The following SLC44A5 variants were observed in gnomAD, a reference collection of about 807,000 sequenced individuals.
The protein encoded by SLC44A5 is solute carrier family 44 member 5, also known as choline transporter-like protein 5.
Under a neutral mutation model 101.8 loss-of-function variants are expected in SLC44A5, and 57 were observed. The ratio of observed to expected loss-of-function variants is 0.56; its 90% CI spans 0.45 to 0.70. The LOEUF (loss-of-function observed/expected upper bound fraction) is 0.70, where lower values mean the gene tolerates loss of function less well. SLC44A5 is among the 30% of genes least tolerant of loss of function. The probability of loss-of-function intolerance (pLI) is 0.00; values close to 1 mark genes in which losing one functional copy is unlikely to be tolerated. For missense variants in SLC44A5, 737 were observed against 853.1 expected (o/e 0.86, Z 1.70); for synonymous variants, 281 against 290.9 (o/e 0.97, Z 0.35).
chr1:75,672,152 C>T, the SLC44A5 span, among the ~76,000 whole-genome samples: 1 of 152,122 alleles, frequency 6.6e-6, no homozygotes, highest in Admixed American at 6.5e-5. Context: ...CAACTTGCAA[C>T]AGTATCTGCT....
the SLC44A5 span, among the ~76,000 whole-genome samples, chr1:75,654,100 T>C: frequency 6.6e-6 from 1 of 152,226 alleles, no homozygotes. Flanking sequence ...GGTTAAATTA[T>C]ATTTTCTTTT....
chr1:75,639,025 G>C, the SLC44A5 span, among the ~76,000 whole-genome samples: 1 of 152,056 alleles, frequency 6.6e-6, no homozygotes, highest in Non-Finnish European at 1.5e-5. Context: ...GAGAGTAGAT[G>C]AGTGATTTCC....
the SLC44A5 span, among the ~76,000 whole-genome samples, chr1:75,656,742 CA>C: frequency 1.3e-5 from 2 of 151,814 alleles, no homozygotes; most frequent in African/African-American, 4.8e-5. Flanking sequence ...CTAAGGAATA[CA>C]GTAAGAAAAA....
intron 3 of SLC44A5, among the ~76,000 whole-genome samples, chr1:75,342,457 G>A (rs145008181): frequency 1.2e-4 from 18 of 152,270 alleles, no homozygotes; most frequent in African/African-American, 4.3e-4. Context: ...AAATGAGGAA[G>A]TTGGGGTACA....
At chr1:75,363,237 A>AT (rs1659622893) in intron 3 of SLC44A5, among the ~76,000 whole-genome samples, 2 of 151,816 alleles carry the variant, frequency 1.3e-5, no homozygotes, top group Non-Finnish European at 2.9e-5. Context: ...GTTGGGTCTT[A>AT]TTTTTTTAAC....
At chr1:75,527,958 T>C (rs886080001) in intron 2 of SLC44A5, among the ~76,000 whole-genome samples, 1 of 152,254 alleles carries the variant, frequency 6.6e-6, no homozygotes, top group African/African-American at 2.4e-5. Flanking sequence ...GCTTCTCTTT[T>C]AAACTTGACA....
chr1:75,307,359 T>C (rs1401987311), intron 4 of SLC44A5, among the ~76,000 whole-genome samples: 4 of 152,196 alleles, frequency 2.6e-5, no homozygotes, highest in Non-Finnish European at 4.4e-5. Context: ...CATCTGTTAC[T>C]GCTCTGATTC....
chr1:75,336,690 T>G (rs999959962), intron 4 of SLC44A5, among the ~76,000 whole-genome samples: 5 of 152,170 alleles, frequency 3.3e-5, no homozygotes, highest in African/African-American at 1.2e-4. Flanking sequence ...TTTAATGACT[T>G]TGACCTAATA....
At chr1:75,459,439 C>T (rs1449381690) in intron 2 of SLC44A5, among the ~76,000 whole-genome samples, 1 of 152,092 alleles carries the variant, frequency 6.6e-6, no homozygotes, top group Non-Finnish European at 1.5e-5. Flanking sequence ...CACTTTCATC[C>T]TCCAAAACTT....
At chr1:75,657,768 A>G in the SLC44A5 span, among the ~76,000 whole-genome samples, 8 of 152,250 alleles carry the variant, frequency 5.3e-5, no homozygotes, top group South Asian at 1.7e-3. Context: ...GCACTGAAAC[A>G]AATAAAGTAA....
At chr1:75,474,947 C>T (rs1252551199) in intron 2 of SLC44A5, among the ~76,000 whole-genome samples, 1 of 152,156 alleles carries the variant, frequency 6.6e-6, no homozygotes, top group East Asian at 1.9e-4. Flanking sequence ...CTACTAAGAC[C>T]TCTGGTAAGA....
At chr1:75,618,230 A>G in the SLC44A5 span, among the ~76,000 whole-genome samples, 1 of 152,226 alleles carries the variant, frequency 6.6e-6, no homozygotes, top group African/African-American at 2.4e-5. Context: ...TGGTACATGG[A>G]TGTGATTAAT....
chr1:75,244,461 A>G (rs1467591597), intron 7 of SLC44A5, among the ~76,000 whole-genome samples: 4 of 152,090 alleles, frequency 2.6e-5, no homozygotes, highest in African/African-American at 9.7e-5. Context: ...AATTCTCTGA[A>G]TATTGAACAC....
intron 5 of SLC44A5, among the ~76,000 whole-genome samples, chr1:75,286,934 TG>T (rs571848459): frequency 1.6e-3 from 242 of 152,272 alleles, no homozygotes; most frequent in Middle Eastern, 3.4e-3. Flanking sequence ...ATGATCTTTT[TG>T]TGATGAATTT....
intron 5 of SLC44A5, among the ~76,000 whole-genome samples, chr1:75,288,013 C>T (rs745482453): frequency 5.9e-5 from 9 of 152,126 alleles, no homozygotes; most frequent in Non-Finnish European, 1.3e-4. Flanking sequence ...TCAGGTTTCT[C>T]AGGAGCTGGA....
the SLC44A5 span, among the ~76,000 whole-genome samples, chr1:75,619,578 A>T: frequency 1.3e-5 from 2 of 152,118 alleles, no homozygotes; most frequent in Non-Finnish European, 2.9e-5. Context: ...ACAAACACAA[A>T]AAAGGGTAGG....
At chr1:75,337,331 C>A (rs950812866) in intron 4 of SLC44A5, among the ~76,000 whole-genome samples, 14 of 152,152 alleles carry the variant, frequency 9.2e-5, no homozygotes, top group Admixed American at 5.9e-4. Context: ...TCCTACAAGG[C>A]AGTACAGGAA....
intron 2 of SLC44A5, among the ~76,000 whole-genome samples, chr1:75,411,191 T>C (rs866508284): frequency 6.6e-6 from 1 of 152,118 alleles, no homozygotes; most frequent in African/African-American, 2.4e-5. Flanking sequence ...GTATTCATCA[T>C]TCCCTACTCA....
At chr1:75,588,863 C>T (rs765538582) in intron 1 of SLC44A5, among the ~76,000 whole-genome samples, 13 of 152,076 alleles carry the variant, frequency 8.5e-5, no homozygotes, top group Non-Finnish European at 1.8e-4. Flanking sequence ...ATGAAATTTA[C>T]AGTCTAGTAG....
Sources: allele counts gnomAD v4.1 joint callset (sites outside exome capture counted in the v4.1 genomes callset), GRCh38; gene constraint gnomAD v4.1.1; transcripts MANE v1.5; gene names NCBI Gene and HGNC (gene_info 2026-07-23, HGNC 2026-07-21).